C1QTNF3: variants seen among roughly 807,000 people sequenced by gnomAD.
C1QTNF3 encodes C1q and TNF related 3, also known as complement C1q tumor necrosis factor-related protein 3.
In C1QTNF3, 26 loss-of-function variants were observed where a neutral mutation model predicts 32.6. The observed-to-expected ratio is 0.80, with a 90% CI of 0.58 to 1.11. The LOEUF is 1.11. Ranked by LOEUF, C1QTNF3 falls within the 50% of genes least tolerant of loss-of-function variation. The pLI is 0.00. For missense variants in C1QTNF3, 362 were observed against 398.2 expected (o/e 0.91, Z 0.77); for synonymous variants, 155 against 146.0 (o/e 1.06, Z -0.44).
At chr5:34,222,826 T>C in the C1QTNF3 span, among the ~76,000 whole-genome samples, 46 of 151,916 alleles carry the variant, frequency 3.0e-4, no homozygotes, top group African/African-American at 1.1e-3. Flanking sequence ...TGCTGCAAAC[T>C]GGCTAGCAAT....
At chr5:34,069,462 A>G in the C1QTNF3 span, among the ~76,000 whole-genome samples, 2 of 152,198 alleles carry the variant, frequency 1.3e-5, no homozygotes, top group African/African-American at 4.8e-5. Context: ...TGAATGTTGC[A>G]TAATAGGGGC....
chr5:34,064,883 A>T, the C1QTNF3 span, among the ~76,000 whole-genome samples: 1 of 152,206 alleles, frequency 6.6e-6, no homozygotes, highest in East Asian at 1.9e-4. Context: ...AAAATCATTT[A>T]TTCCAAGTCT....
At chr5:34,139,419 T>C in the C1QTNF3 span, among the ~76,000 whole-genome samples, 189 of 152,214 alleles carry the variant, frequency 1.2e-3, no homozygotes, top group Middle Eastern at 3.4e-3. Context: ...TATCCTCCCT[T>C]CTCAAAATTA....
At chr5:34,173,316 G>T in the C1QTNF3 span, among the ~76,000 whole-genome samples, 1 of 151,332 alleles carries the variant, frequency 6.6e-6, no homozygotes, top group Non-Finnish European at 1.5e-5. Context: ...TTATAATTAT[G>T]CCAATTGAGG....
the C1QTNF3 span, among the ~76,000 whole-genome samples, chr5:34,142,519 T>G: frequency 1.3e-5 from 2 of 151,912 alleles, no homozygotes; most frequent in African/African-American, 2.4e-5. Flanking sequence ...GTTGACCTGC[T>G]GAGGGGGTCA....
the C1QTNF3 span, among the ~76,000 whole-genome samples, chr5:34,115,721 A>G: frequency 6.9e-6 from 1 of 145,104 alleles, no homozygotes; most frequent in Admixed American, 7.1e-5. Context: ...ACAGAGCGAG[A>G]CTCTGTGTCA....
chr5:34,077,650 A>T, the C1QTNF3 span, among the ~76,000 whole-genome samples: 1 of 151,732 alleles, frequency 6.6e-6, no homozygotes, highest in Admixed American at 6.6e-5. Flanking sequence ...AATGACTATT[A>T]TGACTAATAG....
the C1QTNF3 span, among the ~76,000 whole-genome samples, chr5:34,053,414 A>C: frequency 1.3e-5 from 2 of 152,226 alleles, no homozygotes; most frequent in South Asian, 4.1e-4. Context: ...CCACCGAACC[A>C]TGTCCCATTG....
At chr5:34,053,120 T>C in the C1QTNF3 span, among the ~76,000 whole-genome samples, 1 of 152,212 alleles carries the variant, frequency 6.6e-6, no homozygotes, top group African/African-American at 2.4e-5. Context: ...AATTTATGAA[T>C]AATCCTTATA....
At chr5:34,128,588 G>C in the C1QTNF3 span, among the ~76,000 whole-genome samples, 1 of 152,208 alleles carries the variant, frequency 6.6e-6, no homozygotes, top group Non-Finnish European at 1.5e-5. Context: ...CCCACTTGTT[G>C]CATCAGCATT....
the C1QTNF3 span, chr5:34,168,665 C>G: frequency 6.6e-6 from 1 of 151,498 alleles, no homozygotes; most frequent in African/African-American, 2.4e-5. Context: ...GGATTTTGGA[C>G]TATAGGTAGT....
At chr5:34,186,388 T>C in the C1QTNF3 span, among the ~76,000 whole-genome samples, 382 of 145,244 alleles carry the variant, frequency 2.6e-3, no homozygotes, top group Middle Eastern at 7.5e-3. Flanking sequence ...TATATAATTA[T>C]TGACCTATAG....
chr5:34,223,889 T>C, the C1QTNF3 span, among the ~76,000 whole-genome samples: 5 of 152,242 alleles, frequency 3.3e-5, no homozygotes, highest in Admixed American at 1.3e-4. Flanking sequence ...CATGATTGTA[T>C]ATCTAGAAAA....
the C1QTNF3 span, among the ~76,000 whole-genome samples, chr5:34,118,187 C>A: frequency 6.6e-6 from 1 of 152,118 alleles, no homozygotes; most frequent in African/African-American, 2.4e-5. Flanking sequence ...TCAAGTGATT[C>A]TCTTGCCTCA....
At chr5:34,195,329 T>C in the C1QTNF3 span, among the ~76,000 whole-genome samples, 4 of 133,548 alleles carry the variant, frequency 3.0e-5, no homozygotes, top group African/African-American at 1.2e-4. Context: ...TAATCTGAAA[T>C]AAAAAATATA....
intron 2 of C1QTNF3, among the ~76,000 whole-genome samples, chr5:34,035,110 G>A (rs1169477266): frequency 2.6e-5 from 4 of 152,248 alleles, no homozygotes; most frequent in Non-Finnish European, 4.4e-5. Flanking sequence ...GCAGGCCCGC[G>A]GCACTCTCCT....
the C1QTNF3 span, among the ~76,000 whole-genome samples, chr5:34,127,568 G>A: frequency 1.3e-5 from 2 of 151,710 alleles, no homozygotes; most frequent in Non-Finnish European, 2.9e-5. Context: ...GATTTGACCT[G>A]GTGGTTTCTT....
chr5:34,027,958 A>G (rs1754510830), intron 4 of C1QTNF3, among the ~76,000 whole-genome samples: 1 of 152,068 alleles, frequency 6.6e-6, no homozygotes, highest in Non-Finnish European at 1.5e-5. Context: ...ATATATTTGT[A>G]TTCATTTGCA....
the C1QTNF3 span, among the ~76,000 whole-genome samples, chr5:34,054,245 A>G: frequency 6.6e-6 from 1 of 152,220 alleles, no homozygotes; most frequent in South Asian, 2.1e-4. Flanking sequence ...CCACTGAAAA[A>G]GAGCAGACCT....
Sources: allele counts gnomAD v4.1 joint callset (sites outside exome capture counted in the v4.1 genomes callset), GRCh38; gene constraint gnomAD v4.1.1; transcripts MANE v1.5; gene names NCBI Gene and HGNC (gene_info 2026-07-23, HGNC 2026-07-21).